The following SARNP variants were observed in gnomAD, a reference collection of about 807,000 sequenced individuals.
The protein encoded by SARNP is SAP domain containing ribonucleoprotein, also known as SAP domain-containing ribonucleoprotein.
A neutral mutation model predicts 38.1 loss-of-function variants in SARNP; 5 were observed. The ratio of observed to expected loss-of-function variants is 0.13; its 90% CI spans 0.07 to 0.28. The LOEUF (loss-of-function observed/expected upper bound fraction) is 0.28, where lower values mean the gene tolerates loss of function less well. Among genes scored for constraint, SARNP ranks in the 10% least tolerant of loss-of-function variants. The pLI is 1.00. For synonymous variants in SARNP, 84 were observed against 80.6 expected (o/e 1.04, Z -0.23); for missense variants, 180 against 243.9 (o/e 0.74, Z 1.75).
At chr12:55,803,827 T>C (rs1880056952) in intron 1 of SARNP, 99 bp from the exon 2 acceptor site, 3 of 734,736 alleles carry the variant, frequency 4.1e-6, no homozygotes, top group Non-Finnish European at 6.8e-6. Flanking sequence ...GAAAATGAAG[T>C]TCCATCCCAA....
At chr12:55,759,152 G>A (rs1416659403) in intron 10 of SARNP, among the ~76,000 whole-genome samples, 2 of 152,134 alleles carry the variant, frequency 1.3e-5, no homozygotes, top group Non-Finnish European at 2.9e-5. Flanking sequence ...AAAGTGCTGG[G>A]ATTCTTTCAT....
At chr12:55,802,183 G>T (rs1348221298) in intron 2 of SARNP, among the ~76,000 whole-genome samples, 1 of 152,104 alleles carries the variant, frequency 6.6e-6, no homozygotes, top group Non-Finnish European at 1.5e-5. Flanking sequence ...TGAGACTGCA[G>T]ATCTACAGAG....
intron 9 of SARNP, among the ~76,000 whole-genome samples, chr12:55,772,522 TCTAG>T (rs1222069889): frequency 2.6e-5 from 4 of 152,046 alleles, no homozygotes; most frequent in African/African-American, 9.7e-5. Flanking sequence ...TCGGTCTTGC[TCTAG>T]CTGATTGTAG....
intron 1 of SARNP, among the ~76,000 whole-genome samples, chr12:55,816,180 T>C (rs1880477604): frequency 6.6e-6 from 1 of 152,206 alleles, no homozygotes. Context: ...GGGCAGCTGG[T>C]GACTTACTCC....
chr12:55,806,344 G>A (rs574378430), intron 1 of SARNP, among the ~76,000 whole-genome samples: 171 of 150,120 alleles, frequency 1.1e-3, no homozygotes, highest in Admixed American at 3.7e-3. Flanking sequence ...GCATGATCTC[G>A]GCTCACTGCA....
At chr12:55,796,488 C>T (rs559878887) in intron 4 of SARNP, among the ~76,000 whole-genome samples, 1 of 152,294 alleles carries the variant, frequency 6.6e-6, no homozygotes, top group South Asian at 2.1e-4. Flanking sequence ...CTGCAACCTC[C>T]ACCTCCTGGG....
At chr12:55,801,819 T>G (rs1879988077) in intron 2 of SARNP, among the ~76,000 whole-genome samples, 1 of 152,144 alleles carries the variant, frequency 6.6e-6, no homozygotes, top group African/African-American at 2.4e-5. Context: ...GATCTCACTA[T>G]GCTGCCCAGA....
chr12:55,782,114 A>G (rs1052469905), intron 9 of SARNP, among the ~76,000 whole-genome samples: 2 of 152,226 alleles, frequency 1.3e-5, no homozygotes, highest in African/African-American at 4.8e-5. Context: ...TACTGGACTT[A>G]AGACAACTCT....
chr12:55,782,179 T>C (rs1447303100), intron 9 of SARNP, among the ~76,000 whole-genome samples: 1 of 152,202 alleles, frequency 6.6e-6, no homozygotes, highest in African/African-American at 2.4e-5. Flanking sequence ...GGTACTATTC[T>C]AATAGATAAA....
rs527651355 is a variant in SARNP, at chr12:55,791,417, G to A, written c.407-825C>T. On this transcript the variant is annotated intron_variant, in intron 7 of 10. Coordinates refer to ENST00000336133, the MANE Select transcript of SARNP (RefSeq NM_033082.4). ...TGAGTTGAAATTATGGCTCCTGGCC[G>A]GGTGCAGTGGCTTACGCCTGTAATC... Among the ~76,000 whole-genome samples, 201 of 152,276 alleles carry A rather than the reference G, an allele frequency of 1.3e-3. 2 individuals carry two copies. Among genetic ancestry groups the A allele is most frequent in the Middle Eastern group, 3.4e-3 (1 of 294 alleles).
intron 2 of SARNP, among the ~76,000 whole-genome samples, chr12:55,803,034 C>T (rs1354025513): frequency 6.6e-6 from 1 of 151,354 alleles, no homozygotes; most frequent in African/African-American, 2.4e-5. Context: ...CAAAACAACA[C>T]TACATAGTTT....
downstream of SARNP, chr12:55,755,050 CAAG>C (rs974029000): frequency 2.6e-5 from 4 of 152,064 alleles, no homozygotes; most frequent in Admixed American, 2.6e-4. Context: ...AAGGGAAAAA[CAAG>C]AAAAGTCTAG....
At chr12:55,816,173 C>T (rs1880477263) in intron 1 of SARNP, among the ~76,000 whole-genome samples, 1 of 152,212 alleles carries the variant, frequency 6.6e-6, no homozygotes, top group African/African-American at 2.4e-5. Context: ...AGTCATCGGG[C>T]AGCTGGTGAC....
intron 9 of SARNP, among the ~76,000 whole-genome samples, chr12:55,777,329 C>A (rs986866059): frequency 3.0e-4 from 45 of 151,930 alleles, no homozygotes; most frequent in African/African-American, 1.1e-3. Context: ...GACATAGCAT[C>A]AAAAATTTCA....
At chr12:55,764,036 A>G (rs1279727607) in intron 9 of SARNP, among the ~76,000 whole-genome samples, 5 of 152,166 alleles carry the variant, frequency 3.3e-5, no homozygotes, top group African/African-American at 1.2e-4. Context: ...AAAACTTGTA[A>G]ATTTTAATCA....
intron 9 of SARNP, among the ~76,000 whole-genome samples, chr12:55,766,616 CG>C (rs58583137): frequency 0.11 from 4,263 of 38,124 alleles, 20 homozygotes; most frequent in East Asian, 0.14. Context: ...GTTTTTTTGG[CG>C]GGGGGGGGGG....
intron 7 of SARNP, 108 bp downstream of exon 7, chr12:55,794,251 A>C: frequency 1.0e-6 from 1 of 973,670 alleles, no homozygotes; most frequent in South Asian, 1.4e-5. Flanking sequence ...TCTCTTAAAG[A>C]GTTTCTACAG....
chr12:55,773,282 T>C (rs1373361262), intron 9 of SARNP, among the ~76,000 whole-genome samples: 1 of 152,178 alleles, frequency 6.6e-6, no homozygotes, highest in African/African-American at 2.4e-5. Flanking sequence ...CAATTTCAAG[T>C]AGCTTTGAAA....
Position 55,759,069 on chromosome 12 carries a change from A to C in SARNP, c.591+1482T>G, listed in dbSNP as rs1878598553. On this transcript the variant is annotated intron_variant, in intron 10 of 10. Transcript: ENST00000336133. ...AATTTATTTTAAACTTTTAGTAGAG[A>C]TGAGGTCTCACTATGTTGCCCAGGC... 3.9e-5 allele frequency among the ~76,000 whole-genome samples: 6 copies of C among 151,984 alleles called. No individual in the cohort carries two copies. The South Asian group carries it at 1.2e-3, about 32-fold the overall frequency.
Sources: gnomAD v4.1 joint callset for allele counts (sites outside exome capture counted in the v4.1 genomes callset) on GRCh38, gnomAD v4.1.1 for gene constraint, MANE v1.5 for transcripts, NCBI Gene and HGNC (gene_info 2026-07-23, HGNC 2026-07-21) for gene names.